The following RELCH variants were observed in gnomAD, a reference collection of about 807,000 sequenced individuals.
RELCH encodes the protein RAB11 binding and LisH domain, coiled-coil and HEAT repeat containing, also known as RAB11-binding protein RELCH.
RELCH carries 41 observed loss-of-function variants against 150.3 expected under a neutral mutation model. The ratio of observed to expected loss-of-function variants is 0.27; its 90% confidence interval spans 0.21 to 0.35. RELCH has a LOEUF of 0.35. Among genes scored for constraint, RELCH ranks in the 10% least tolerant of loss-of-function variants. The pLI, the probability that RELCH is intolerant of heterozygous loss-of-function variation, is 1.00. For missense variants in RELCH, 1,092 were observed against 1,467.8 expected, an observed-to-expected ratio of 0.74 and a Z score of 4.18; for synonymous variants, 478 against 531.8, an observed-to-expected ratio of 0.90 and a Z score of 1.39.
chr18:62,292,458 A>G (rs1267616260), intron 27 of RELCH, among the ~76,000 whole-genome samples: 1 of 151,798 alleles, frequency 6.6e-6, no homozygotes, highest in Non-Finnish European at 1.5e-5. Flanking sequence ...CATTAGAATT[A>G]CTCTCCATGA....
intron 1 of RELCH, among the ~76,000 whole-genome samples, chr18:62,196,855 T>C (rs1236303007): frequency 6.6e-6 from 1 of 152,186 alleles, no homozygotes; most frequent in Non-Finnish European, 1.5e-5. Flanking sequence ...GACTAACACA[T>C]GAAAGAATTT....
At chr18:62,264,174 A>T in intron 17 of RELCH, 29 bp downstream of exon 17, 1 of 1,549,516 alleles carries the variant, frequency 6.5e-7, no homozygotes, top group African/African-American at 1.4e-5. Context: ...ATTAATTTGA[A>T]TAGATGATAA....
chr18:62,259,184 T>G (rs2043136997), intron 15 of RELCH, among the ~76,000 whole-genome samples: 1 of 152,030 alleles, frequency 6.6e-6, no homozygotes, highest in Admixed American at 6.6e-5. Context: ...GATCTAATTT[T>G]TGTATTAAAA....
chr18:62,253,771 A>G (rs2042851896), intron 12 of RELCH, among the ~76,000 whole-genome samples: 1 of 152,162 alleles, frequency 6.6e-6, no homozygotes, highest in South Asian at 2.1e-4. Context: ...AATCCCTTAT[A>G]CCATCTATAA....
At chr18:62,242,012 G>T (rs1467698376) in intron 10 of RELCH, among the ~76,000 whole-genome samples, 2 of 152,068 alleles carry the variant, frequency 1.3e-5, no homozygotes, top group African/African-American at 4.8e-5. Flanking sequence ...GTTCCTTGCT[G>T]GCTCTGTCAG....
chr18:62,241,824 G>A (rs1157999607), intron 10 of RELCH, among the ~76,000 whole-genome samples: 1 of 152,116 alleles, frequency 6.6e-6, no homozygotes, highest in Non-Finnish European at 1.5e-5. Flanking sequence ...ATTTATTAGT[G>A]TTTCAGAGGC....
chr18:62,277,490 T>G, intron 22 of RELCH: 1 of 546,660 alleles, frequency 1.8e-6, no homozygotes, highest in Non-Finnish European at 2.3e-6. Context: ...TTTATTTTGA[T>G]ACTGATGCTT....
intron 26 of RELCH, 42 bp from the exon 27 acceptor site, chr18:62,291,501 C>T: frequency 8.4e-7 from 1 of 1,196,154 alleles, no homozygotes. Context: ...TTGGACATAC[C>T]AATTTGGTTT....
At position 62,308,642 on chromosome 18, in the gene RELCH, G is replaced by A. The variant is rs1282163818; in HGVS notation, c.*3108G>A. 2.0e-5 allele frequency: 3 copies of A among 152,060 alleles called. No homozygotes were observed. The highest frequency in any genetic ancestry group is 7.2e-5 in the African/African-American group (3 of 41,416). 9.4% of individuals were successfully genotyped at this position (152,060 alleles called of 1,614,324 possible). On this transcript the variant is annotated 3_prime_UTR_variant, in exon 29 of 29. Coordinates refer to ENST00000644646, the MANE Select transcript of RELCH (RefSeq NM_001346231.2). ...TGAGACAGGAGAATCGTTTGAACCTGGGAAGCGGAGATTGCAGTGGGCCGC... is the reference window on the plus strand; with the variant it reads ...TGAGACAGGAGAATCGTTTGAACCTAGGAAGCGGAGATTGCAGTGGGCCGC...
At chr18:62,290,381 A>T (rs2045052370) in intron 26 of RELCH, among the ~76,000 whole-genome samples, 2 of 152,216 alleles carry the variant, frequency 1.3e-5, no homozygotes, top group African/African-American at 4.8e-5. Flanking sequence ...AATATAAAAA[A>T]TTAGCTGGAT....
chr18:62,250,328 C>G (rs2042636031), intron 11 of RELCH, among the ~76,000 whole-genome samples: 2 of 152,126 alleles, frequency 1.3e-5, no homozygotes, highest in Non-Finnish European at 2.9e-5. Flanking sequence ...AAGCTCTATA[C>G]AAGTGTGCAC....
intron 2 of RELCH, among the ~76,000 whole-genome samples, chr18:62,219,036 C>T (rs555763490): frequency 6.6e-6 from 1 of 152,044 alleles, no homozygotes; most frequent in African/African-American, 2.4e-5. Context: ...TAGATTCAAA[C>T]ATACGCCTTT....
intron 5 of RELCH, among the ~76,000 whole-genome samples, chr18:62,222,245 G>C (rs1385458062): frequency 6.6e-6 from 1 of 151,884 alleles, no homozygotes; most frequent in East Asian, 1.9e-4. Context: ...TAACCCCTCA[G>C]TTATTAGAAT....
At position 62,271,446 on chromosome 18, in the gene RELCH, C is replaced by T. The variant is rs566461056; in HGVS notation, c.2760+2498C>T. Among the ~76,000 whole-genome samples the T allele has an allele frequency of 2.8e-5, 4 of 145,434 alleles. No individual in the cohort carries two copies. In the South Asian group the frequency reaches 8.3e-4, roughly 30 times the overall value. ...CACTTTTTGATGGGGTTGTTTTTTT[C>T]TTGTAAATTTGTTTGAGTTCTTTGT... On this transcript the variant is annotated intron_variant, in intron 20 of 28. Coordinates refer to ENST00000644646, the MANE Select transcript of RELCH (RefSeq NM_001346231.2).
chr18:62,229,931 T>C lies in RELCH; in HGVS notation c.1449-1263T>C, dbSNP rs146053180. ...AGTCATGTAAGCTTGCGTTAATTCA[T>C]TTTAGAGGTTGGGACATGATGGTAT... On this transcript the variant is annotated intron_variant, in intron 8 of 28. Transcript: ENST00000644646. 2.1e-3 allele frequency among the ~76,000 whole-genome samples: 316 copies of C among 152,130 alleles called. 4 individuals carry two copies. Among genetic ancestry groups the C allele is most frequent in the African/African-American group, 7.4e-3 (306 of 41,528 alleles).
chr18:62,259,610 A>C (rs767692531), intron 15 of RELCH, among the ~76,000 whole-genome samples: 1 of 151,982 alleles, frequency 6.6e-6, no homozygotes, highest in Non-Finnish European at 1.5e-5. Flanking sequence ...TATGGAGGAC[A>C]TTCTTTAAGA....
intron 10 of RELCH, among the ~76,000 whole-genome samples, chr18:62,236,699 TTCTC>T (rs2041897336): frequency 6.6e-6 from 1 of 151,944 alleles, no homozygotes; most frequent in Non-Finnish European, 1.5e-5. Context: ...TATTTGCATC[TTCTC>T]TCTTTTTCAG....
At chr18:62,274,126 A>C in intron 21 of RELCH, 40 bp downstream of exon 21, 1 of 1,264,408 alleles carries the variant, frequency 7.9e-7, no homozygotes, top group Non-Finnish European at 1.2e-6. Flanking sequence ...AAGGCATATA[A>C]AGTTTTTAGA....
At chr18:62,273,931 G>A in intron 20 of RELCH, 49 bp from the exon 21 acceptor site, 1 of 1,143,254 alleles carries the variant, frequency 8.7e-7, no homozygotes, top group Non-Finnish European at 1.3e-6. Context: ...ATGGTATTTA[G>A]TTCTACTTGA....
Sources: allele counts gnomAD v4.1 joint callset (sites outside exome capture counted in the v4.1 genomes callset), GRCh38; gene constraint gnomAD v4.1.1; transcripts MANE v1.5; gene names NCBI Gene and HGNC (gene_info 2026-07-23, HGNC 2026-07-21).